The following CORIN variants were observed in gnomAD, a reference collection of about 807,000 sequenced individuals.
The protein encoded by CORIN is atrial natriuretic peptide-converting enzyme.
Under a neutral mutation model 125.3 loss-of-function variants are expected in CORIN, and 117 were observed. The observed-to-expected ratio is 0.93, with a 90% CI of 0.80 to 1.09. The LOEUF (loss-of-function observed/expected upper bound fraction) is 1.09. CORIN is among the 50% of genes least tolerant of loss of function. The pLI, the probability that CORIN is intolerant of heterozygous loss-of-function variation, is 0.00. For synonymous variants in CORIN, 450 were observed against 466.4 expected (o/e 0.96, Z 0.45); for missense variants, 1,253 against 1,306.7 (o/e 0.96, Z 0.63).
chr4:47,672,604 C>A (rs887171274), intron 10 of CORIN, among the ~76,000 whole-genome samples: 1 of 151,908 alleles, frequency 6.6e-6, no homozygotes, highest in African/African-American at 2.4e-5. Context: ...GAAACAGTGG[C>A]CCAAATATGT....
chr4:47,820,853 AT>A (rs955612723), intron 1 of CORIN, among the ~76,000 whole-genome samples: 1 of 152,230 alleles, frequency 6.6e-6, no homozygotes, highest in Non-Finnish European at 1.5e-5. Flanking sequence ...TTTAATTACT[AT>A]TGTGATTAAT....
chr4:47,626,711 C>T (rs529820585), intron 16 of CORIN, among the ~76,000 whole-genome samples, 190 bp from the exon 17 acceptor site: 9 of 152,166 alleles, frequency 5.9e-5, no homozygotes, highest in African/African-American at 2.2e-4. Context: ...TGTGTTTGAA[C>T]TGCATGAGGT....
intron 8 of CORIN, chr4:47,679,771 C>T (rs1004932740): frequency 8.3e-5 from 14 of 169,382 alleles, no homozygotes; most frequent in Non-Finnish European, 1.4e-4. Context: ...TGCAGGGAAG[C>T]TTAACTACTC....
intron 5 of CORIN, among the ~76,000 whole-genome samples, chr4:47,698,877 T>C (rs954124956): frequency 6.6e-6 from 1 of 152,238 alleles, no homozygotes; most frequent in Non-Finnish European, 1.5e-5. Flanking sequence ...CATACACAAA[T>C]GCTTATTGTA....
At chr4:47,784,165 A>T (rs764521577) in intron 3 of CORIN, among the ~76,000 whole-genome samples, 2 of 152,204 alleles carry the variant, frequency 1.3e-5, no homozygotes, top group African/African-American at 2.4e-5. Flanking sequence ...CAGAGAAAAT[A>T]TTCAAACATT....
chr4:47,604,359 C>A, intron 19 of CORIN, among the ~76,000 whole-genome samples: 1 of 152,138 alleles, frequency 6.6e-6, no homozygotes, highest in East Asian at 1.9e-4. Flanking sequence ...ATTCTCACTC[C>A]ATACTCCCTT....
At chr4:47,796,201 A>G (rs1386607203) in intron 2 of CORIN, among the ~76,000 whole-genome samples, 1 of 152,128 alleles carries the variant, frequency 6.6e-6, no homozygotes, top group East Asian at 1.9e-4. Context: ...AAGACATGGA[A>G]GCAGCCTAAA....
chr4:47,647,499 G>A (rs981868823), intron 13 of CORIN, among the ~76,000 whole-genome samples: 1 of 152,082 alleles, frequency 6.6e-6, no homozygotes, highest in African/African-American at 2.4e-5. Context: ...GCCGCCTAAA[G>A]TGCATCCTCA....
At chr4:47,641,152 TA>T (rs1189678013) in intron 16 of CORIN, among the ~76,000 whole-genome samples, 1 of 152,188 alleles carries the variant, frequency 6.6e-6, no homozygotes, top group Non-Finnish European at 1.5e-5. Flanking sequence ...CATGACTCAT[TA>T]TTGTAAAATT....
chr4:47,765,940 G>T (rs2109876148), intron 3 of CORIN, among the ~76,000 whole-genome samples: 1 of 152,160 alleles, frequency 6.6e-6, no homozygotes, highest in South Asian at 2.1e-4. Flanking sequence ...TAGTTTTGTG[G>T]TTTTGAAATC....
intron 4 of CORIN, 77 bp downstream of exon 4, chr4:47,763,302 T>C (rs760857012): frequency 9.8e-6 from 11 of 1,125,634 alleles, no homozygotes; most frequent in Non-Finnish European, 1.3e-5. Flanking sequence ...AGGGAGTCAT[T>C]TGGATAATTT....
At chr4:47,811,855 A>G (rs982868598) in intron 1 of CORIN, among the ~76,000 whole-genome samples, 2 of 152,180 alleles carry the variant, frequency 1.3e-5, no homozygotes, top group Non-Finnish European at 2.9e-5. Context: ...CTGCTACTAC[A>G]ACAACATTGA....
chr4:47,670,933 A>G (rs73142035), intron 10 of CORIN, among the ~76,000 whole-genome samples: 29 of 152,330 alleles, frequency 1.9e-4, no homozygotes, highest in African/African-American at 6.7e-4. Flanking sequence ...TGAAAAAACT[A>G]TGTATCATAA....
intron 5 of CORIN, among the ~76,000 whole-genome samples, chr4:47,694,901 C>G (rs1158110443): frequency 6.6e-6 from 1 of 152,190 alleles, no homozygotes; most frequent in East Asian, 1.9e-4. Flanking sequence ...TCAAGGAAAT[C>G]AGCATTTCAA....
chr4:47,711,522 A>G (rs1726838996), intron 5 of CORIN, among the ~76,000 whole-genome samples: 1 of 152,240 alleles, frequency 6.6e-6, no homozygotes, highest in African/African-American at 2.4e-5. Context: ...CTGCAACCAC[A>G]CAGGTGAAGA....
chr4:47,700,765 C>G (rs909295925), intron 5 of CORIN, among the ~76,000 whole-genome samples: 7 of 152,146 alleles, frequency 4.6e-5, no homozygotes, highest in Admixed American at 1.3e-4. Flanking sequence ...CACGTGAGCA[C>G]TGGTCTCTGC....
rs1474099039 is a variant in CORIN at position 47,805,147 on chromosome 4, AAAAT to A, written c.208+1752_208+1755del. ...CGAGACTCCATCTCAAAAAAAAAAAAAAATAATAATAATAATAATAATAATAGAG... is the reference window on the plus strand; with the variant it reads ...CGAGACTCCATCTCAAAAAAAAAAAAAATAATAATAATAATAATAATAGAG... On this transcript the variant is annotated intron_variant, in intron 2 of 21. Coordinates refer to ENST00000273857, the MANE Select transcript of CORIN (RefSeq NM_006587.4). 3.8e-3 allele frequency among the ~76,000 whole-genome samples: 549 copies of A among 146,384 alleles called. 2 individuals carry two copies. Among genetic ancestry groups the A allele is most frequent in the African/African-American group, 0.013 (525 of 40,184 alleles).
intron 5 of CORIN, among the ~76,000 whole-genome samples, chr4:47,741,217 G>A (rs1728380424): frequency 6.6e-6 from 1 of 151,942 alleles, no homozygotes; most frequent in African/African-American, 2.4e-5. Context: ...AATATATAAA[G>A]AACCTGACAA....
At chr4:47,786,984 T>TCAA in intron 2 of CORIN, 59 bp from the exon 3 acceptor site, 1 of 1,202,508 alleles carries the variant, frequency 8.3e-7, no homozygotes, top group Non-Finnish European at 1.2e-6. Flanking sequence ...TAGAAGTGTT[T>TCAA]ATTTTAAAAA....
Sources: gnomAD v4.1 joint callset for allele counts (sites outside exome capture counted in the v4.1 genomes callset) on GRCh38, gnomAD v4.1.1 for gene constraint, MANE v1.5 for transcripts, NCBI Gene and HGNC (gene_info 2026-07-23, HGNC 2026-07-21) for gene names.